Variants in ZBTB1 observed in about 807,000 individuals in gnomAD.
ZBTB1 encodes the protein zinc finger and BTB domain containing 1, also known as zinc finger and BTB domain-containing protein 1.
ZBTB1 carries 13 observed loss-of-function variants against 51.6 expected under a neutral mutation model. That is an observed-to-expected ratio of 0.25 (90% CI 0.16 to 0.40). The LOEUF is 0.40. ZBTB1 is among the 10% of genes least tolerant of loss of function. The pLI, the probability that ZBTB1 is intolerant of heterozygous loss-of-function variation, is 1.00. For synonymous variants in ZBTB1, 240 were observed against 282.2 expected (o/e 0.85, Z 1.50); for missense variants, 567 against 856.5 (o/e 0.66, Z 4.22).
chr14:64,530,715 C>G (rs887793320), intron 2 of ZBTB1, among the ~76,000 whole-genome samples: 1 of 152,238 alleles, frequency 6.6e-6, no homozygotes, highest in East Asian at 1.9e-4. Context: ...AAGTTGTTCT[C>G]TTATTCAGGA....
At position 64,504,772 on chromosome 14, in the gene ZBTB1, T is replaced by G. The variant is rs2079611796; in HGVS notation, c.-193T>G. On this transcript the variant is annotated 5_prime_UTR_variant, in exon 1 of 2. Transcript: ENST00000683701. ...CTGTGCGGCAGCGGAAGTCCTTTGT[T>G]GCAGCACAGTCCCTGGCAGAGCCAG... The G allele has an allele frequency of 2.6e-6, 1 of 378,690 alleles. No individual in the cohort carries two copies. Among genetic ancestry groups the G allele is most frequent in the Non-Finnish European group, 4.7e-6 (1 of 213,474 alleles). The allele number at this position is 378,690 out of a possible 1,614,324, so 23.5% of individuals were successfully genotyped here.
In ZBTB1 at chr14:64,523,940, T is replaced by G. The variant is rs1300583938; in HGVS notation, c.*294T>G. On this transcript the variant is annotated 3_prime_UTR_variant, in exon 2 of 2. Transcript: ENST00000683701. The surrounding 1 kb of genome is among the most constrained non-coding windows in gnomAD (Gnocchi z 4.5). ...TACCCATTCAATGACTATTAAACTT[T>G]AGTTTTTCATCAATAAGGTGATGAC... The G allele has an allele frequency of 9.4e-7, 1 of 1,064,900 alleles. No individual in the cohort carries two copies. The allele number at this position is 1,064,900 out of a possible 1,614,324, so 66.0% of individuals were successfully genotyped here.
In ZBTB1 at chr14:64,524,942, T is replaced by C. The variant is rs1240156494; in HGVS notation, c.*1296T>C. On this transcript the variant is annotated 3_prime_UTR_variant, in exon 2 of 2. Transcript: ENST00000683701. ...ACTGACCCACCAATAAACACATCTA[T>C]TGAATAGAATGCCTTTTAATGTGAA... The C allele has an allele frequency of 4.1e-6, 4 of 984,510 alleles. No individual in the cohort carries two copies. In the African/African-American group the frequency reaches 7.0e-5, roughly 17 times the overall value. The allele number at this position is 984,510 out of a possible 1,614,324, so 61.0% of individuals were successfully genotyped here.
chr14:64,517,622 T>C (rs1341412580), intron 1 of ZBTB1, among the ~76,000 whole-genome samples: 2 of 151,648 alleles, frequency 1.3e-5, no homozygotes, highest in Non-Finnish European at 1.5e-5. Flanking sequence ...TTTCATCTTT[T>C]TTCCCCCCAC....
At chr14:64,525,612 A>ATTGT (rs1210821173), downstream of ZBTB1, among the ~76,000 whole-genome samples, 1 of 152,118 alleles carries the variant, frequency 6.6e-6, no homozygotes, top group African/African-American at 2.4e-5. Flanking sequence ...GGCTTTCCCC[A>ATTGT]TTGTTAAAGA....
At chr14:64,507,037 G>A (rs2079670846) in intron 1 of ZBTB1, among the ~76,000 whole-genome samples, 1 of 152,114 alleles carries the variant, frequency 6.6e-6, no homozygotes, top group East Asian at 1.9e-4. Context: ...CCTTTCTAAT[G>A]TGCAGGAGAA....
intron 1 of ZBTB1, among the ~76,000 whole-genome samples, chr14:64,511,863 G>A (rs570385203): frequency 6.6e-6 from 1 of 152,292 alleles, no homozygotes; most frequent in Admixed American, 6.5e-5. Flanking sequence ...AATTGTTTCA[G>A]AGGAGAAAAC....
At chr14:64,530,046 G>T (rs185702613) in intron 2 of ZBTB1, among the ~76,000 whole-genome samples, 1 of 152,230 alleles carries the variant, frequency 6.6e-6, no homozygotes, top group Non-Finnish European at 1.5e-5. Context: ...TAACCTAGCA[G>T]CAAACTTTAA....
At chr14:64,517,700 A>G (rs11844536) in intron 1 of ZBTB1, among the ~76,000 whole-genome samples, 71 of 133,282 alleles carry the variant, frequency 5.3e-4, no homozygotes, top group African/African-American at 1.9e-3. Context: ...TCCTGTGTTT[A>G]TTTATTTGGC....
chr14:64,525,815 A>G (rs2079899640), downstream of ZBTB1, among the ~76,000 whole-genome samples: 1 of 151,790 alleles, frequency 6.6e-6, no homozygotes, highest in South Asian at 2.1e-4. Flanking sequence ...CTTATTTTTT[A>G]TTTTATTTAT....
At chr14:64,513,704 C>T (rs1238148286) in intron 1 of ZBTB1, among the ~76,000 whole-genome samples, 3 of 152,048 alleles carry the variant, frequency 2.0e-5, no homozygotes, top group Non-Finnish European at 2.9e-5. Context: ...CTCTGTTGCC[C>T]AGGCTGGAGT....
At chr14:64,517,831 T>C (rs1195682735) in intron 1 of ZBTB1, among the ~76,000 whole-genome samples, 5 of 134,140 alleles carry the variant, frequency 3.7e-5, no homozygotes, top group Admixed American at 1.6e-4. Flanking sequence ...TCAGCCAGGC[T>C]GGAGTACAGT....
rs1443845717 is a variant in ZBTB1, at chr14:64,513,605, T to A, written c.-18-7882T>A. On this transcript the variant is annotated intron_variant, in intron 1 of 1. Coordinates refer to ENST00000683701, the MANE Select transcript of ZBTB1 (RefSeq NM_001123329.2). ...CTTCCTAAAGCCTACTATTTTGGTA[T>A]AATTAACGCTTTTCTTCTAAACTCT... Among the ~76,000 whole-genome samples, 5 of 152,262 alleles carry A rather than the reference T, an allele frequency of 3.3e-5. No homozygotes were observed. In the East Asian group the frequency reaches 7.7e-4, roughly 23 times the overall value.
chr14:64,515,574 G>A lies in ZBTB1; in HGVS notation c.-18-5913G>A, dbSNP rs1056526951. Among the ~76,000 whole-genome samples the A allele has an allele frequency of 9.4e-5, 14 of 148,864 alleles. No homozygotes were observed. In the Admixed American group the frequency reaches 9.4e-4, roughly 10 times the overall value. ...CTTGCTCTGTCGCCCAGGCTGGAGT[G>A]CAGTGGCACAGTCTTGGCTCACTGT... is the stretch of plus-strand genomic sequence containing the variant. On this transcript the variant is annotated intron_variant, in intron 1 of 1. Transcript: ENST00000683701.
intron 1 of ZBTB1, among the ~76,000 whole-genome samples, chr14:64,519,663 A>C (rs2079839108): frequency 6.6e-6 from 1 of 151,398 alleles, no homozygotes; most frequent in Admixed American, 6.6e-5. Flanking sequence ...CTACAGTCCC[A>C]GCTACTCTGG....
At chr14:64,506,090 AC>A (rs1358842221) in intron 1 of ZBTB1, among the ~76,000 whole-genome samples, 1 of 152,252 alleles carries the variant, frequency 6.6e-6, no homozygotes, top group African/African-American at 2.4e-5. Context: ...AAAATTGAGT[AC>A]AAAAAGATGA....
intron 1 of ZBTB1, chr14:64,516,623 G>A (rs2079789222): frequency 6.6e-6 from 1 of 152,174 alleles, no homozygotes; most frequent in Admixed American, 6.5e-5. Context: ...TCTGTAGAGT[G>A]GGCGCTTTGC....
chr14:64,522,826 C>T lies in ZBTB1; in HGVS notation c.1322C>T (p.Ala441Val), dbSNP rs1375955890. 1.9e-6 allele frequency: 3 copies of T among 1,614,108 alleles called. No homozygotes were observed. Among genetic ancestry groups the T allele is most frequent in the Non-Finnish European group, 2.5e-6 (3 of 1,180,016 alleles). ...GAGGACCTGTCATCTCATTACTTAG[C>T]CAAACACATTGAAAATATCTGTGCA... ...TEEDLSSHYL[A>V]KHIENICACG... Residue 441 changes from alanine (A) to valine (V), a missense_variant, in exon 2 of 2, where the codon GCC becomes GTC. Coordinates refer to ENST00000683701, the MANE Select transcript of ZBTB1 (RefSeq NM_001123329.2).
At chr14:64,519,184 T>TG (rs1236591409) in intron 1 of ZBTB1, among the ~76,000 whole-genome samples, 1 of 149,378 alleles carries the variant, frequency 6.7e-6, no homozygotes, top group Non-Finnish European at 1.5e-5. Flanking sequence ...GTCTCGTTCT[T>TG]GTCACCCAGG....
Sources: gnomAD v4.1 joint callset for allele counts (sites outside exome capture counted in the v4.1 genomes callset) on GRCh38, gnomAD v4.1.1 for gene constraint, Gnocchi (gnomAD v3.1) non-coding constraint, MANE v1.5 for transcripts, NCBI Gene and HGNC (gene_info 2026-07-23, HGNC 2026-07-21) for gene names.